Variants in GDPD5 observed in about 807,000 individuals in gnomAD.
The protein encoded by GDPD5 is glycerophosphodiester phosphodiesterase 2.
Under a neutral mutation model 75.1 loss-of-function variants are expected in GDPD5, and 48 were observed. The ratio of observed to expected loss-of-function variants is 0.64; its 90% CI spans 0.51 to 0.81. The LOEUF (loss-of-function observed/expected upper bound fraction) is 0.81, where lower values mean the gene tolerates loss of function less well. Among genes scored for constraint, GDPD5 ranks in the 40% least tolerant of loss-of-function variants. The pLI, the probability that GDPD5 is intolerant of heterozygous loss-of-function variation, is 0.00. For missense variants in GDPD5, 706 were observed against 822.6 expected (o/e 0.86, Z 1.73); for synonymous variants, 336 against 339.0 (o/e 0.99, Z 0.10).
rs771805981 is a variant in GDPD5 at position 75,444,510 on chromosome 11, G to C, written c.715-15C>G. 6.2e-6 allele frequency: 10 copies of C among 1,602,450 alleles called. No individual in the cohort carries two copies. The African/African-American group carries it at 1.3e-4, about 21-fold the overall frequency. On this transcript the variant is annotated splice_polypyrimidine_tract_variant and intron_variant, in intron 9 of 16. Coordinates refer to ENST00000336898, the MANE Select transcript of GDPD5 (RefSeq NM_030792.8). Reference sequence around the variant, plus strand: ...TCTGGAGCCAGCTGGGGAAGAAGGGGTGGTGAAGGGAGAGCCAAGATTCAG... The same window carrying C: ...TCTGGAGCCAGCTGGGGAAGAAGGGCTGGTGAAGGGAGAGCCAAGATTCAG...
At chr11:75,470,719 T>C (rs1273614076) in intron 3 of GDPD5, among the ~76,000 whole-genome samples, 1 of 152,256 alleles carries the variant, frequency 6.6e-6, no homozygotes, top group African/African-American at 2.4e-5. Context: ...TACATCTTAA[T>C]CCATCTGGAA....
chr11:75,437,136 G>T, intron 15 of GDPD5, 88 bp from the exon 16 acceptor site: 1 of 952,024 alleles, frequency 1.1e-6, no homozygotes, highest in Non-Finnish European at 1.6e-6. Flanking sequence ...CTCTCTGGAT[G>T]TGGCCCAAGA....
At chr11:75,436,809 C>T (rs1336717592) in intron 16 of GDPD5, 127 bp downstream of exon 16, 17 of 695,520 alleles carry the variant, frequency 2.4e-5, no homozygotes, top group Admixed American at 2.3e-5. Context: ...GGTTTATGTA[C>T]GTCTGTGCCC....
chr11:75,481,854 G>A (rs1228609726), intron 2 of GDPD5, among the ~76,000 whole-genome samples: 1 of 152,044 alleles, frequency 6.6e-6, no homozygotes, highest in East Asian at 1.9e-4. Context: ...GACTTGCTCT[G>A]TGGCTGGGGC....
At chr11:75,440,327 C>T (rs911909964) in intron 14 of GDPD5, among the ~76,000 whole-genome samples, 7 of 152,256 alleles carry the variant, frequency 4.6e-5, no homozygotes, top group East Asian at 1.9e-4. Flanking sequence ...TCTCATCCAT[C>T]GGTCTCGACC....
At chr11:75,456,138 G>C (rs1314473319) in intron 6 of GDPD5, among the ~76,000 whole-genome samples, 1 of 152,198 alleles carries the variant, frequency 6.6e-6, no homozygotes, top group Non-Finnish European at 1.5e-5. Flanking sequence ...GTGCTAAACG[G>C]GGGAAGGAGG....
chr11:75,460,958 T>G (rs1949397281), intron 4 of GDPD5, among the ~76,000 whole-genome samples: 1 of 151,670 alleles, frequency 6.6e-6, no homozygotes, highest in Non-Finnish European at 1.5e-5. Flanking sequence ...CTGGGTAGAG[T>G]GGGTAGCTCC....
chr11:75,465,178 AG>A (rs1390487561), intron 3 of GDPD5, among the ~76,000 whole-genome samples: 1 of 152,160 alleles, frequency 6.6e-6, no homozygotes, highest in East Asian at 1.9e-4. Context: ...AGAGCTTCTC[AG>A]TAGATGTCAG....
At chr11:75,490,471 G>A (rs907414242) in intron 1 of GDPD5, 151 bp from the exon 2 acceptor site, 1 of 152,382 alleles carries the variant, frequency 6.6e-6, no homozygotes, top group Non-Finnish European at 1.5e-5. Flanking sequence ...TCCCTGCCCT[G>A]GGGAAGCCAC....
intron 1 of GDPD5, among the ~76,000 whole-genome samples, chr11:75,519,044 G>A (rs776999384): frequency 2.0e-5 from 3 of 152,116 alleles, no homozygotes; most frequent in South Asian, 2.1e-4. Context: ...GGGAAGAGCT[G>A]AGCCTGTCAG....
At chr11:75,499,393 CCTT>C (rs10534507) in intron 1 of GDPD5, among the ~76,000 whole-genome samples, 100,808 of 140,032 alleles carry the variant, frequency 0.72, 36,482 homozygotes, top group Admixed American at 0.81. Flanking sequence ...TTCTTCTTTT[CCTT>C]TTTTTTTTTT....
chr11:75,435,355 T>G lies in GDPD5; in HGVS notation c.*152A>C. ...GGCCTCAGGAGACAGGGAGTCCCCCTCAAGAGAGGCTGCGGCTGACAAGGG... is the reference window on the plus strand; with the variant it reads ...GGCCTCAGGAGACAGGGAGTCCCCCGCAAGAGAGGCTGCGGCTGACAAGGG... On this transcript the variant is annotated 3_prime_UTR_variant, in exon 17 of 17. Coordinates refer to ENST00000336898, the MANE Select transcript of GDPD5 (RefSeq NM_030792.8). The G allele has an allele frequency of 1.5e-6, 1 of 650,930 alleles. No individual in the cohort carries two copies. The highest frequency in any genetic ancestry group is 2.5e-6 in the Non-Finnish European group (1 of 401,706). 40.3% of individuals were successfully genotyped at this position (650,930 alleles called of 1,614,324 possible).
intron 3 of GDPD5, among the ~76,000 whole-genome samples, chr11:75,464,951 C>T (rs1949486633): frequency 6.6e-6 from 1 of 152,154 alleles, no homozygotes; most frequent in Non-Finnish European, 1.5e-5. Flanking sequence ...ACCGTCTCTC[C>T]ACCACCCTCC....
intron 9 of GDPD5, chr11:75,448,704 C>G (rs928618835): frequency 1.4e-5 from 16 of 1,156,274 alleles, no homozygotes; most frequent in Admixed American, 5.1e-5. Flanking sequence ...GCCTTCCTAA[C>G]TGGCACCTGG....
intron 5 of GDPD5, among the ~76,000 whole-genome samples, 193 bp from the exon 6 acceptor site, chr11:75,457,009 T>A (rs1055584006): frequency 1.3e-5 from 2 of 152,224 alleles, no homozygotes; most frequent in African/African-American, 4.8e-5. Flanking sequence ...CCTGGCCTCC[T>A]CCCAGATGAT....
At chr11:75,441,520 G>T in intron 13 of GDPD5, 126 bp downstream of exon 13, 1 of 1,155,124 alleles carries the variant, frequency 8.7e-7, no homozygotes, top group Non-Finnish European at 1.2e-6. Context: ...TGATTCCTCT[G>T]TGTGCCCATC....
At chr11:75,516,963 G>GT (rs1950651040) in intron 1 of GDPD5, among the ~76,000 whole-genome samples, 1 of 152,192 alleles carries the variant, frequency 6.6e-6, no homozygotes, top group African/African-American at 2.4e-5. Flanking sequence ...CCTCAATGCA[G>GT]TTTGGTTCTA....
chr11:75,464,004 C>T (rs559963966), intron 3 of GDPD5, among the ~76,000 whole-genome samples: 1 of 152,370 alleles, frequency 6.6e-6, no homozygotes, highest in South Asian at 2.1e-4. Flanking sequence ...TGTCTAAACT[C>T]ACGCTCTGCA....
rs534763668 is a variant in GDPD5, at chr11:75,467,321, G to A, written c.118-4432C>T. On this transcript the variant is annotated intron_variant, in intron 3 of 16. Coordinates refer to ENST00000336898, the MANE Select transcript of GDPD5 (RefSeq NM_030792.8). ...GGGCTTCAAGTGGCACACAGTGGGC[G>A]CATAATGAGGGTGGCTCACTGGGCT... is the stretch of plus-strand genomic sequence containing the variant. 2.3e-4 allele frequency among the ~76,000 whole-genome samples: 35 copies of A among 152,338 alleles called. No individual in the cohort carries two copies. In the East Asian group the frequency reaches 5.8e-3, roughly 25 times the overall value.
Sources: allele counts gnomAD v4.1 joint callset (sites outside exome capture counted in the v4.1 genomes callset), GRCh38; gene constraint gnomAD v4.1.1; transcripts MANE v1.5; gene names NCBI Gene and HGNC (gene_info 2026-07-23, HGNC 2026-07-21).